MYEF2: variants seen among roughly 807,000 people sequenced by gnomAD.
MYEF2 encodes myelin expression factor 2, also known as myelin gene expression factor 2.
In MYEF2, 37 loss-of-function variants were observed where a neutral mutation model predicts 75.2. The observed-to-expected ratio is 0.49, with a 90% CI of 0.38 to 0.65. MYEF2 has a LOEUF of 0.65. Among genes scored for constraint, MYEF2 ranks in the 30% least tolerant of loss-of-function variants. The pLI, the probability that MYEF2 is intolerant of heterozygous loss-of-function variation, is 0.00. For missense variants in MYEF2, 634 were observed against 771.4 expected (o/e 0.82, Z 2.11); for synonymous variants, 195 against 241.6 (o/e 0.81, Z 1.79).
rs1286771858 is a variant in MYEF2 at position 48,135,850 on chromosome 15, A to C, written c.*7058T>G. 6.6e-6 allele frequency: 1 copy of C among 152,100 alleles called. No individual in the cohort carries two copies. The highest frequency in any genetic ancestry group is 1.5e-5 in the Non-Finnish European group (1 of 67,996). The allele number at this position is 152,100 out of a possible 1,614,324, so 9.4% of individuals were successfully genotyped here. A position where few individuals can be genotyped will look rare whatever the true frequency, so the allele number is the denominator to read the frequency against. ...ATCCTGTCCTCTAGTCCGTCTCCCT[A>C]AGACACTGTGTTGGTAGAATAGAAA... is the stretch of plus-strand genomic sequence containing the variant. On this transcript the variant is annotated 3_prime_UTR_variant, in exon 17 of 17. Transcript: ENST00000324324.
At position 48,151,027 on chromosome 15, in the gene MYEF2, G is replaced by C. The variant is rs982612814; in HGVS notation, c.1378+73C>G. The C allele has an allele frequency of 3.9e-6, 4 of 1,015,288 alleles. No individual in the cohort carries two copies. In the South Asian group the frequency reaches 6.3e-5, roughly 16 times the overall value. 62.9% of individuals were successfully genotyped at this position (1,015,288 alleles called of 1,614,324 possible). On this transcript the variant is annotated intron_variant, in intron 14 of 16. Coordinates refer to ENST00000324324, the MANE Select transcript of MYEF2 (RefSeq NM_016132.5). ...TAAGAACAAAGTATTACTATACTAC[G>C]ATAACTACTCTTGCAAAGTCTTTGC... is the stretch of plus-strand genomic sequence containing the variant.
rs1567235427 is a variant in MYEF2 at position 48,142,206 on chromosome 15, T to A, written c.*702A>T. 5.8e-5 allele frequency: 94 copies of A among 1,613,768 alleles called. No homozygotes were observed. The highest frequency in any genetic ancestry group is 7.8e-5 in the Non-Finnish European group (92 of 1,179,892). On this transcript the variant is annotated 3_prime_UTR_variant, in exon 17 of 17. Coordinates refer to ENST00000324324, the MANE Select transcript of MYEF2 (RefSeq NM_016132.5). Reference sequence around the variant, plus strand: ...CTCAACATTTCAATTATTTTTCTTTTTTTAGCAGTTCACTTCAATGGCTGG... The same window carrying A: ...CTCAACATTTCAATTATTTTTCTTTATTTAGCAGTTCACTTCAATGGCTGG...
At chr15:48,152,074 C>T (rs2039511954) in intron 11 of MYEF2, 132 bp from the exon 12 acceptor site, 2 of 1,149,084 alleles carry the variant, frequency 1.7e-6, no homozygotes, top group African/African-American at 1.5e-5. Flanking sequence ...TAACACATCA[C>T]CTTCCTTTAA....
intron 8 of MYEF2, 33 bp from the exon 9 acceptor site, chr15:48,158,089 A>G (rs778951437): frequency 5.0e-6 from 8 of 1,611,866 alleles, no homozygotes; most frequent in African/African-American, 1.3e-5. Context: ...TATGGTTAAC[A>G]TATTACCACA....
rs1475578054 is a variant in MYEF2 at position 48,158,699 on chromosome 15, C to A, written c.871+70G>T. On this transcript the variant is annotated intron_variant, in intron 7 of 16. Coordinates refer to ENST00000324324, the MANE Select transcript of MYEF2 (RefSeq NM_016132.5). Reference sequence around the variant, plus strand: ...CAGGCAACCTTAAATTCAATTACCCCCCGCCAAAACAAAGGTGGTATTATG... The same window carrying A: ...CAGGCAACCTTAAATTCAATTACCCACCGCCAAAACAAAGGTGGTATTATG... The A allele has an allele frequency of 5.1e-6, 8 of 1,574,552 alleles. No homozygotes were observed. The South Asian group carries it at 6.9e-5, about 14-fold the overall frequency.
intron 10 of MYEF2, 159 bp from the exon 11 acceptor site, chr15:48,152,443 A>G (rs989832472): frequency 1.7e-6 from 1 of 575,440 alleles, no homozygotes; most frequent in Non-Finnish European, 3.0e-6. Flanking sequence ...GTGCTATGCC[A>G]TAGCAGCTGT....
chr15:48,152,378 T>C, intron 10 of MYEF2, 94 bp from the exon 11 acceptor site: 2 of 1,044,392 alleles, frequency 1.9e-6, no homozygotes, highest in Non-Finnish European at 1.4e-6. Context: ...ATACCACTGG[T>C]ATAACCACAA....
intron 7 of MYEF2, 151 bp downstream of exon 7, chr15:48,158,618 G>T: frequency 2.3e-6 from 2 of 870,248 alleles, no homozygotes; most frequent in East Asian, 2.5e-5. Context: ...TTTAATACTT[G>T]GACCTACTAA....
Position 48,142,820 on chromosome 15 carries a change from G to C in MYEF2, c.*88C>G. The C allele has an allele frequency of 7.9e-7, 1 of 1,265,436 alleles. No individual in the cohort carries two copies. The highest frequency in any genetic ancestry group is 1.1e-6 in the Non-Finnish European group (1 of 925,604). 78.4% of individuals were successfully genotyped at this position (1,265,436 alleles called of 1,614,324 possible). ...TTAAAAGTTCATTTTTACAGCTTTT[G>C]TAAGCATACAATATTACTTTAAAAA... On this transcript the variant is annotated 3_prime_UTR_variant, in exon 17 of 17. Coordinates refer to ENST00000324324, the MANE Select transcript of MYEF2 (RefSeq NM_016132.5).
chr15:48,157,766 G>A, intron 9 of MYEF2: 7 of 1,267,680 alleles, frequency 5.5e-6, no homozygotes, highest in Non-Finnish European at 7.0e-6. Flanking sequence ...ATTTTAGAAT[G>A]TATTGCTGAT....
Position 48,140,441 on chromosome 15 carries a change from TAC to T in MYEF2, c.*2465_*2466del, listed in dbSNP as rs2039029878. 1 of 152,174 alleles carries T rather than the reference TAC, an allele frequency of 6.6e-6. No homozygotes were observed. Among genetic ancestry groups the T allele is most frequent in the Non-Finnish European group, 1.5e-5 (1 of 68,014 alleles). The allele number at this position is 152,174 out of a possible 1,614,324, so 9.4% of individuals were successfully genotyped here. ...TCAATTACAACATTAAAGGAACAGTTACATAACCTTTTGTTTAACTTCTCTCT... is the reference window on the plus strand; with the variant it reads ...TCAATTACAACATTAAAGGAACAGTTATAACCTTTTGTTTAACTTCTCTCT... On this transcript the variant is annotated 3_prime_UTR_variant, in exon 17 of 17. Coordinates refer to ENST00000324324, the MANE Select transcript of MYEF2 (RefSeq NM_016132.5).
chr15:48,138,877 CTAAT>C lies in MYEF2; in HGVS notation c.*4027_*4030del. On this transcript the variant is annotated 3_prime_UTR_variant, in exon 17 of 17. Coordinates refer to ENST00000324324, the MANE Select transcript of MYEF2 (RefSeq NM_016132.5). Reference sequence around the variant, plus strand: ...AACAGCCTTTTAAAAACTGATACAGCTAATTTATTTCAATATAACTTTCTAAATA... The same window carrying C: ...AACAGCCTTTTAAAAACTGATACAGCTTATTTCAATATAACTTTCTAAATA... 1 of 920,844 alleles carries C rather than the reference CTAAT, an allele frequency of 1.1e-6. No homozygotes were observed. Among genetic ancestry groups the C allele is most frequent in the Non-Finnish European group, 1.7e-6 (1 of 602,602 alleles). 57.0% of individuals were successfully genotyped at this position (920,844 alleles called of 1,614,324 possible).
chr15:48,152,175 T>C, intron 11 of MYEF2, 59 bp downstream of exon 11: 1 of 1,455,822 alleles, frequency 6.9e-7, no homozygotes, highest in South Asian at 1.2e-5. Flanking sequence ...CTCAACACAG[T>C]TTCTAGTTTA....
At position 48,138,895 on chromosome 15, in the gene MYEF2, A is replaced by G; in HGVS notation, c.*4013T>C. The G allele has an allele frequency of 9.0e-7, 1 of 1,105,740 alleles. No homozygotes were observed. The highest frequency in any genetic ancestry group is 1.3e-6 in the Non-Finnish European group (1 of 757,558). The allele number at this position is 1,105,740 out of a possible 1,614,324, so 68.5% of individuals were successfully genotyped here. A position where few individuals can be genotyped will look rare whatever the true frequency, so the allele number is the denominator to read the frequency against. On this transcript the variant is annotated 3_prime_UTR_variant, in exon 17 of 17. Transcript: ENST00000324324. ...GATACAGCTAATTTATTTCAATATA[A>G]CTTTCTAAATAGGCATTTCTAACTT...
At chr15:48,155,201 T>A (rs868792550) in intron 9 of MYEF2, among the ~76,000 whole-genome samples, 6 of 151,278 alleles carry the variant, frequency 4.0e-5, no homozygotes, top group African/African-American at 1.5e-4. Flanking sequence ...CCTGAAACAG[T>A]AAAAAAATAG....
intron 9 of MYEF2, among the ~76,000 whole-genome samples, chr15:48,156,570 G>A (rs1001994404): frequency 4.0e-5 from 6 of 150,398 alleles, no homozygotes; most frequent in Non-Finnish European, 7.4e-5. Context: ...AAACAACAGA[G>A]GAAGGCCAGT....
Position 48,141,768 on chromosome 15 carries a change from T to TAGCCATATCTCCTTTCCC in MYEF2, c.*1139_*1140insGGGAAAGGAGATATGGCT. The TAGCCATATCTCCTTTCCC allele has an allele frequency of 4.1e-6, 1 of 242,440 alleles. No homozygotes were observed. The allele number at this position is 242,440 out of a possible 1,614,324, so 15.0% of individuals were successfully genotyped here. On this transcript the variant is annotated 3_prime_UTR_variant, in exon 17 of 17. Transcript: ENST00000324324. ...GTAATTAACCATTAACCATGTTAAATTACAATGAAAAGCAACAAATAAGCT... is the reference window on the plus strand; with the variant it reads ...GTAATTAACCATTAACCATGTTAAATAGCCATATCTCCTTTCCCTACAATGAAAAGCAACAAATAAGCT...
intron 1 of MYEF2, among the ~76,000 whole-genome samples, chr15:48,175,408 T>G (rs1229937470): frequency 6.6e-6 from 1 of 152,174 alleles, no homozygotes; most frequent in East Asian, 1.9e-4. Flanking sequence ...GTGACTATAC[T>G]TAACATATTT....
rs1465566157 is a variant in MYEF2, at chr15:48,151,949, A to T, written c.1139-7T>A. 1 of 1,613,054 alleles carries T rather than the reference A, an allele frequency of 6.2e-7. No homozygotes were observed. ...AGACCACCAAACCCTATTCCTATGGAATAAAGATTAATTTTGAGATCCAAC... is the reference window on the plus strand; with the variant it reads ...AGACCACCAAACCCTATTCCTATGGTATAAAGATTAATTTTGAGATCCAAC... On this transcript the variant is annotated splice_region_variant and splice_polypyrimidine_tract_variant and intron_variant, in intron 11 of 16. Coordinates refer to ENST00000324324, the MANE Select transcript of MYEF2 (RefSeq NM_016132.5).
Sources: gnomAD v4.1 joint callset for allele counts (sites outside exome capture counted in the v4.1 genomes callset) on GRCh38, gnomAD v4.1.1 for gene constraint, MANE v1.5 for transcripts, NCBI Gene and HGNC (gene_info 2026-07-23, HGNC 2026-07-21) for gene names.